Variants in LRCH1 observed in about 807,000 individuals in gnomAD.
LRCH1 encodes leucine-rich repeat and calponin homology domain-containing protein 1.
Under a neutral mutation model 94.9 loss-of-function variants are expected in LRCH1, and 23 were observed. The observed-to-expected ratio is 0.24, with a 90% CI of 0.17 to 0.34. The LOEUF (loss-of-function observed/expected upper bound fraction) is 0.34, where lower values mean the gene tolerates loss of function less well. Ranked by LOEUF, LRCH1 falls within the 10% of genes least tolerant of loss-of-function variation. The probability of loss-of-function intolerance (pLI) is 1.00; values close to 1 mark genes in which losing one functional copy is unlikely to be tolerated. For synonymous variants in LRCH1, 364 were observed against 354.9 expected (o/e 1.03, Z -0.29); for missense variants, 790 against 945.9 (o/e 0.84, Z 2.16).
exon 19 of LRCH1, chr13:46,751,596 T>C (rs1009061674): frequency 4.6e-5 from 7 of 152,238 alleles, no homozygotes; most frequent in African/African-American, 1.7e-4. Flanking sequence ...TCTTTTGCTA[T>C]GCACAAAACA....
At chr13:46,735,803 T>C (rs1305002844) in intron 19 of LRCH1, among the ~76,000 whole-genome samples, 7 of 147,052 alleles carry the variant, frequency 4.8e-5, no homozygotes, top group Non-Finnish European at 7.5e-5. Context: ...CTTTTTTTTT[T>C]TTTTTTCGAG....
rs1204971929 is a variant in LRCH1 at position 46,553,236 on chromosome 13, G to A, written c.-161G>A. On this transcript the variant is annotated 5_prime_UTR_variant, in exon 1 of 20. Transcript: ENST00000389797. Reference sequence around the variant, plus strand: ...AGCTGCCACGGCCGCCTCCCCGCCCGCCCCCCATTCTACGCGCCTGCCCAC... The same window carrying A: ...AGCTGCCACGGCCGCCTCCCCGCCCACCCCCCATTCTACGCGCCTGCCCAC... The A allele has an allele frequency of 7.0e-5, 20 of 283,770 alleles. No homozygotes were observed. Among genetic ancestry groups the A allele is most frequent in the Middle Eastern group, 1.0e-3 (1 of 968 alleles). 17.6% of individuals were successfully genotyped at this position (283,770 alleles called of 1,614,324 possible).
At chr13:46,566,763 G>A (rs1174089829) in intron 1 of LRCH1, among the ~76,000 whole-genome samples, 1 of 152,106 alleles carries the variant, frequency 6.6e-6, no homozygotes, top group East Asian at 1.9e-4. Flanking sequence ...GATGGTCCTC[G>A]GGGTGACATA....
chr13:46,728,733 C>A (rs1872951562), intron 17 of LRCH1, 114 bp from the exon 18 acceptor site: 3 of 985,512 alleles, frequency 3.0e-6, no homozygotes, highest in Admixed American at 5.0e-5. Flanking sequence ...GCATTGTTAT[C>A]CTTATTTCCT....
chr13:46,598,274 T>C (rs554411664), intron 1 of LRCH1, among the ~76,000 whole-genome samples: 4 of 152,136 alleles, frequency 2.6e-5, no homozygotes, highest in Non-Finnish European at 5.9e-5. Context: ...TATTTCTTTA[T>C]GTGCAAAATG....
chr13:46,606,148 ATGTG>A lies in LRCH1; in HGVS notation c.308-44025_308-44022del, dbSNP rs3991577. ...ATGCTCAAACTCTAATTTTAACCTTATGTGTGTGTGTGTGTGTGTGTGTGTGTGT... is the reference window on the plus strand; with the variant it reads ...ATGCTCAAACTCTAATTTTAACCTTATGTGTGTGTGTGTGTGTGTGTGTGT... On this transcript the variant is annotated intron_variant, in intron 1 of 19. Coordinates refer to ENST00000389797, the MANE Select transcript of LRCH1 (RefSeq NM_001164211.2). Among the ~76,000 whole-genome samples the A allele has an allele frequency of 7.0e-3, 1,041 of 148,386 alleles. 5 individuals carry two copies. The highest frequency in any genetic ancestry group is 8.3e-3 in the East Asian group (42 of 5,068).
chr13:46,581,739 C>T (rs549416758), intron 1 of LRCH1, among the ~76,000 whole-genome samples: 21 of 152,340 alleles, frequency 1.4e-4, no homozygotes, highest in African/African-American at 4.6e-4. Context: ...GGACAAAAGT[C>T]ACAACCAAAG....
At chr13:46,684,018 A>G (rs984736418) in intron 4 of LRCH1, among the ~76,000 whole-genome samples, 12 of 152,148 alleles carry the variant, frequency 7.9e-5, no homozygotes, top group African/African-American at 1.9e-4. Flanking sequence ...TATGCTTTCA[A>G]TTTGAGGATG....
intron 16 of LRCH1, among the ~76,000 whole-genome samples, chr13:46,721,108 C>T (rs1872567880): frequency 6.6e-6 from 1 of 152,156 alleles, no homozygotes; most frequent in Non-Finnish European, 1.5e-5. Context: ...AAAACCCAGA[C>T]ACCATTTCGT....
chr13:46,681,927 G>T, intron 4 of LRCH1, 81 bp downstream of exon 4: 3 of 444,830 alleles, frequency 6.7e-6, no homozygotes, highest in Non-Finnish European at 7.4e-6. Flanking sequence ...TTGTGAAGAG[G>T]GTCGATCTTT....
rs745619274 is a variant in LRCH1, at chr13:46,741,789, C to T, written c.2233C>T (p.His745Tyr). The T allele has an allele frequency of 1.9e-6, 3 of 1,614,206 alleles. No individual in the cohort carries two copies. The highest frequency in any genetic ancestry group is 2.5e-6 in the Non-Finnish European group (3 of 1,180,042). ...GGACCTTATAGGCTTCTGTCTTGTC[C>T]ATATTCTCTTTATAGTGCTGGTCTA... is the stretch of plus-strand genomic sequence containing the variant. Reference protein sequence around the residue: ...SRDLIGFCLVHILFIVLVYIT... With the variant: ...SRDLIGFCLVYILFIVLVYIT... Residue 745 changes from histidine (H) to tyrosine (Y), a missense_variant, in exon 20 of 20, where the codon CAT becomes TAT. Physicochemically the swap from His to Tyr is moderately conservative, Grantham distance 83. This residue lies in a region of LRCH1 where 460 missense variants were observed against 508.9 expected (regional missense o/e 0.90). Coordinates refer to ENST00000389797, the MANE Select transcript of LRCH1 (RefSeq NM_001164211.2).
At chr13:46,686,133 T>C in intron 5 of LRCH1, 92 bp downstream of exon 5, 2 of 1,255,788 alleles carry the variant, frequency 1.6e-6, no homozygotes, top group Non-Finnish European at 2.1e-6. Context: ...GAAAGTTTGC[T>C]GAAAATCACT....
intron 1 of LRCH1, among the ~76,000 whole-genome samples, chr13:46,555,476 A>G (rs1170853942): frequency 6.6e-6 from 1 of 152,202 alleles, no homozygotes; most frequent in Non-Finnish European, 1.5e-5. Context: ...TGAGAAGACC[A>G]GTGCTTTTAG....
intron 1 of LRCH1, among the ~76,000 whole-genome samples, chr13:46,643,552 T>C (rs1449287654): frequency 6.6e-6 from 1 of 152,234 alleles, no homozygotes; most frequent in African/African-American, 2.4e-5. Context: ...AGGGATTATC[T>C]CTTCTGGATT....
intron 1 of LRCH1, among the ~76,000 whole-genome samples, chr13:46,623,818 C>T (rs2050912013): frequency 6.7e-6 from 1 of 149,416 alleles, no homozygotes; most frequent in Non-Finnish European, 1.5e-5. Flanking sequence ...CCCATTAACT[C>T]GTCATCTGCA....
chr13:46,623,698 T>G (rs922669448), intron 1 of LRCH1, among the ~76,000 whole-genome samples: 10 of 150,472 alleles, frequency 6.6e-5, no homozygotes, highest in Admixed American at 4.0e-4. Flanking sequence ...TCTCTGTTTT[T>G]TTTTTTTTTC....
chr13:46,683,038 C>T (rs1040231220), intron 4 of LRCH1, among the ~76,000 whole-genome samples: 1 of 152,146 alleles, frequency 6.6e-6, no homozygotes, highest in Non-Finnish European at 1.5e-5. Flanking sequence ...CATTGATTTC[C>T]ACTGTTTTTG....
At chr13:46,556,046 C>T (rs1163198110) in intron 1 of LRCH1, among the ~76,000 whole-genome samples, 1 of 152,168 alleles carries the variant, frequency 6.6e-6, no homozygotes. Flanking sequence ...AGTGGTTTCT[C>T]CTTGACTCAT....
intron 19 of LRCH1, among the ~76,000 whole-genome samples, chr13:46,735,622 A>G (rs367883269): frequency 6.6e-5 from 10 of 152,188 alleles, no homozygotes; most frequent in Admixed American, 4.6e-4. Flanking sequence ...TAATTTCTCA[A>G]GATGCCCCTG....
Sources: gnomAD v4.1 joint callset for allele counts (sites outside exome capture counted in the v4.1 genomes callset) on GRCh38, gnomAD v4.1.1 for gene constraint, gnomAD v4.1.1 regional missense constraint, MANE v1.5 for transcripts, NCBI Gene and HGNC (gene_info 2026-07-23, HGNC 2026-07-21) for gene names.